TLN2: variants seen among roughly 807,000 people sequenced by gnomAD.
TLN2 encodes the protein talin 2.
TLN2 carries 118 observed loss-of-function variants against 294.7 expected under a neutral mutation model. The observed-to-expected ratio is 0.40, with a 90% CI of 0.34 to 0.47. TLN2 has a LOEUF of 0.47. TLN2 is among the 20% of genes least tolerant of loss of function. The pLI, the probability that TLN2 is intolerant of heterozygous loss-of-function variation, is 0.84. For synonymous variants in TLN2, 1,431 were observed against 1,304.5 expected (o/e 1.10, Z -2.09); for missense variants, 3,083 against 3,282.2 (o/e 0.94, Z 1.48).
At chr15:62,735,628 A>G (rs954424345) in intron 28 of TLN2, among the ~76,000 whole-genome samples, 18 of 152,240 alleles carry the variant, frequency 1.2e-4, no homozygotes, top group Admixed American at 2.6e-4. Flanking sequence ...ACAGATTGCC[A>G]GTGGAATGTG....
intron 9 of TLN2, among the ~76,000 whole-genome samples, chr15:62,659,326 C>G (rs2053574254): frequency 6.6e-6 from 1 of 152,200 alleles, no homozygotes. Context: ...CAAAGGCATT[C>G]CTGCTTTCAG....
At chr15:62,714,387 A>G (rs975553844) in intron 22 of TLN2, among the ~76,000 whole-genome samples, 2 of 151,738 alleles carry the variant, frequency 1.3e-5, no homozygotes, top group African/African-American at 4.8e-5. Context: ...TATTTTTAGT[A>G]GAGACAGGGT....
At chr15:62,428,812 CTG>C (rs1215509187) in intron 1 of TLN2, among the ~76,000 whole-genome samples, 2 of 152,186 alleles carry the variant, frequency 1.3e-5, no homozygotes, top group African/African-American at 4.8e-5. Context: ...GAGAGTGCCA[CTG>C]TAGTTTCCAG....
intron 2 of TLN2, among the ~76,000 whole-genome samples, chr15:62,590,686 C>G (rs1054507920): frequency 6.6e-6 from 1 of 152,074 alleles, no homozygotes; most frequent in Non-Finnish European, 1.5e-5. Flanking sequence ...TTATTGTTTT[C>G]CAGTTTTGGT....
chr15:62,491,494 C>T (rs1362195932), intron 1 of TLN2, among the ~76,000 whole-genome samples: 2 of 151,758 alleles, frequency 1.3e-5, no homozygotes, highest in Non-Finnish European at 2.9e-5. Flanking sequence ...CAAATGGTTG[C>T]ATTATTTTGC....
intron 12 of TLN2, chr15:62,690,174 G>A (rs1298596407): frequency 9.6e-5 from 15 of 157,012 alleles, no homozygotes; most frequent in East Asian, 9.5e-4. Flanking sequence ...CCTCCCGGAC[G>A]GGGTGGCTGC....
intron 2 of TLN2, among the ~76,000 whole-genome samples, chr15:62,604,200 G>C (rs1307682431): frequency 6.6e-6 from 1 of 152,120 alleles, no homozygotes; most frequent in East Asian, 1.9e-4. Context: ...GAAAATTCTT[G>C]CACATATGAG....
At chr15:62,503,673 T>G (rs892087707) in intron 1 of TLN2, among the ~76,000 whole-genome samples, 2 of 152,234 alleles carry the variant, frequency 1.3e-5, no homozygotes, top group African/African-American at 4.8e-5. Flanking sequence ...GCTTGCCCCA[T>G]TTCCTCTCTT....
chr15:62,722,511 T>C, intron 26 of TLN2, 24 bp downstream of exon 26: 1 of 1,593,128 alleles, frequency 6.3e-7, no homozygotes, highest in South Asian at 1.1e-5. Context: ...GTCATAGGGG[T>C]TAACTTGTCA....
intron 9 of TLN2, among the ~76,000 whole-genome samples, chr15:62,673,072 T>TTTTGTGTGTGTG (rs1555464936): frequency 6.9e-6 from 1 of 144,798 alleles, no homozygotes; most frequent in Non-Finnish European, 1.5e-5. Context: ...CCTAATTTAA[T>TTTTGTGTGTGTG]TGTGTGTGTG....
intron 32 of TLN2, among the ~76,000 whole-genome samples, chr15:62,741,748 C>CGTGCGCGTGTGTGTGTGTGTGTGT (rs1555495652): frequency 7.6e-6 from 1 of 131,072 alleles, no homozygotes; most frequent in Admixed American, 7.8e-5. Context: ...AAAATTTGCG[C>CGTGCGCGTGTGTGTGTGTGTGTGT]GTGTGTGTGT....
intron 1 of TLN2, among the ~76,000 whole-genome samples, chr15:62,444,048 C>T (rs939875726): frequency 6.6e-6 from 1 of 152,176 alleles, no homozygotes; most frequent in African/African-American, 2.4e-5. Flanking sequence ...AGTTTACCAT[C>T]CAGTCAAGAA....
chr15:62,620,374 G>A (rs891981346), intron 3 of TLN2, among the ~76,000 whole-genome samples: 2 of 152,062 alleles, frequency 1.3e-5, no homozygotes, highest in Admixed American at 6.6e-5. Context: ...GAAGTTTTCC[G>A]TGAAAAACTT....
At chr15:62,720,310 T>A (rs1389231219) in intron 25 of TLN2, among the ~76,000 whole-genome samples, 1 of 152,234 alleles carries the variant, frequency 6.6e-6, no homozygotes, top group Non-Finnish European at 1.5e-5. Flanking sequence ...GTGGCAATTG[T>A]ACAGTTAGTA....
intron 1 of TLN2, among the ~76,000 whole-genome samples, chr15:62,498,202 GT>G (rs2039120589): frequency 6.8e-6 from 1 of 146,670 alleles, no homozygotes; most frequent in Non-Finnish European, 1.5e-5. Flanking sequence ...TTTTATACCT[GT>G]TAAAAATATA....
intron 41 of TLN2, among the ~76,000 whole-genome samples, chr15:62,770,400 G>A (rs754047777): frequency 5.9e-5 from 9 of 152,146 alleles, no homozygotes; most frequent in Non-Finnish European, 1.3e-4. Context: ...GGTTCCTGTC[G>A]GGATAAGCTT....
At chr15:62,573,348 C>T (rs1173452911) in intron 1 of TLN2, among the ~76,000 whole-genome samples, 1 of 152,106 alleles carries the variant, frequency 6.6e-6, no homozygotes, top group Non-Finnish European at 1.5e-5. Flanking sequence ...CCCCCTCTGC[C>T]CTCCCACTGG....
At chr15:62,449,618 A>AAAAAAT (rs1201835918) in intron 1 of TLN2, among the ~76,000 whole-genome samples, 2 of 151,870 alleles carry the variant, frequency 1.3e-5, no homozygotes, top group Non-Finnish European at 2.9e-5. Flanking sequence ...CCAGGAGTTA[A>AAAAAAT]AAAAATAAAA....
intron 2 of TLN2, among the ~76,000 whole-genome samples, chr15:62,592,336 T>C (rs770402021): frequency 3.9e-5 from 6 of 152,218 alleles, no homozygotes; most frequent in Non-Finnish European, 8.8e-5. Context: ...ATTCTGATTT[T>C]CTGGGAAACC....
Sources: allele counts gnomAD v4.1 joint callset (sites outside exome capture counted in the v4.1 genomes callset), GRCh38; gene constraint gnomAD v4.1.1; transcripts MANE v1.5; gene names NCBI Gene and HGNC (gene_info 2026-07-23, HGNC 2026-07-21).